The following HMGCL variants were observed in gnomAD, a reference collection of about 807,000 sequenced individuals.
HMGCL encodes the protein hydroxymethylglutaryl-CoA lyase, mitochondrial.
HMGCL carries 26 observed loss-of-function variants against 37.3 expected under a neutral mutation model. That is an observed-to-expected ratio of 0.70 (90% confidence interval 0.51 to 0.97). The LOEUF (loss-of-function observed/expected upper bound fraction) is 0.97. Among genes scored for constraint, HMGCL ranks in the 50% least tolerant of loss-of-function variants. The pLI, the probability that HMGCL is intolerant of heterozygous loss-of-function variation, is 0.00. For missense variants in HMGCL, 379 were observed against 398.1 expected (o/e 0.95, Z 0.41); for synonymous variants, 151 against 148.0 (o/e 1.02, Z -0.15).
Position 23,802,144 on chromosome 1 carries a change from G to A in HMGCL, c.*319C>T. The A allele has an allele frequency of 1.7e-6, 1 of 571,994 alleles. No individual in the cohort carries two copies. Among genetic ancestry groups the A allele is most frequent in the Non-Finnish European group, 3.1e-6 (1 of 322,120 alleles). The allele number at this position is 571,994 out of a possible 1,614,324, so 35.4% of individuals were successfully genotyped here. On this transcript the variant is annotated 3_prime_UTR_variant, in exon 9 of 9. Coordinates refer to ENST00000374490, the MANE Select transcript of HMGCL (RefSeq NM_000191.3). ...CCAGCTCGCGGATTCCATCCAGAGAGGAGACTCAAGGATCATGCTAAGTAG... is the reference window on the plus strand; with the variant it reads ...CCAGCTCGCGGATTCCATCCAGAGAAGAGACTCAAGGATCATGCTAAGTAG...
At position 23,808,243 on chromosome 1, in the gene HMGCL, C is replaced by G. The variant is rs928613309; in HGVS notation, c.642G>C (p.Met214Ile). The change falls in exon 7 of 9, where the codon ATG (methionine) becomes ATC (isoleucine). Residue 214 changes from methionine to isoleucine, a missense_variant. Physicochemically the swap from Met to Ile is conservative, Grantham distance 10. Transcript: ENST00000374490. ...DTIGVGTPGI[M>I]KDMLSAVMQE... ...GCATGACAGCAGATAGCATGTCTTT[C>G]ATGATCCCTGGGGTGCCCACACCAA... 1 of 1,613,900 alleles carries G rather than the reference C, an allele frequency of 6.2e-7. No individual in the cohort carries two copies. The highest frequency in any genetic ancestry group is 1.3e-5 in the African/African-American group (1 of 74,900).
intron 4 of HMGCL, 29 bp downstream of exon 4, chr1:23,816,646 G>A (rs368241050): frequency 3.8e-6 from 5 of 1,323,646 alleles, no homozygotes; most frequent in Non-Finnish European, 5.5e-6. Context: ...CTCATTTCAG[G>A]AGCCCCCACC....
chr1:23,823,934 T>G (rs1638769015), intron 1 of HMGCL, among the ~76,000 whole-genome samples: 1 of 101,800 alleles, frequency 9.8e-6, no homozygotes, highest in African/African-American at 3.9e-5. Flanking sequence ...CTTCCCGAGG[T>G]GACATGGGGA....
Position 23,804,472 on chromosome 1 carries a change from G to A in HMGCL, c.804C>T (p.Tyr268=), listed in dbSNP as rs765198174. 46 of 1,613,864 alleles carry A rather than the reference G, an allele frequency of 2.9e-5. No homozygotes were observed. Among genetic ancestry groups the A allele is most frequent in the South Asian group, 3.3e-5 (3 of 91,070 alleles). The change falls in exon 8 of 9, where the codon TAC becomes TAT. Residue 268 remains tyrosine, a synonymous_variant. Transcript: ENST00000374490. ...SSVAGLGGCP[Y]AQGASGNLAT... is the part of the protein sequence containing the mutation. The stretch of plus-strand genomic sequence containing the variant: ...CCAAGTTTCCTGATGCCCCCTGTGC[G>A]TAGGGACAGCCTCCAAGTCCTGCCA...
In HMGCL at chr1:23,810,759, T is replaced by C. The variant is rs1049453921; in HGVS notation, c.538A>G (p.Ile180Val). ...CALGCPYEGK[I>V]SPAKVAEVTK... The stretch of plus-strand genomic sequence containing the variant: ...ACCTCAGCTACTTTAGCTGGGGAGA[T>C]CTTCCCTTCATAAGGGCAGCCAAGA... The change falls in exon 6 of 9, where the codon ATC becomes GTC. Residue 180 changes from isoleucine to valine, a missense_variant. Coordinates refer to ENST00000374490, the MANE Select transcript of HMGCL (RefSeq NM_000191.3). 4 of 1,614,022 alleles carry C rather than the reference T, an allele frequency of 2.5e-6. No homozygotes were observed. In the East Asian group the frequency reaches 8.9e-5, roughly 36 times the overall value.
chr1:23,808,402 G>A, intron 6 of HMGCL, 79 bp from the exon 7 acceptor site: 2 of 1,225,446 alleles, frequency 1.6e-6, no homozygotes, highest in Middle Eastern at 2.1e-4. Flanking sequence ...GGGGGCCTTT[G>A]CCTGGGCAGA....
intron 2 of HMGCL, among the ~76,000 whole-genome samples, chr1:23,819,234 TATAAAA>T (rs1392661294): frequency 1.3e-5 from 2 of 152,048 alleles, no homozygotes; most frequent in Non-Finnish European, 2.9e-5. Context: ...ATAAAAATTG[TATAAAA>T]ATAAAAATAC....
intron 2 of HMGCL, among the ~76,000 whole-genome samples, chr1:23,817,901 T>C (rs1638642225): frequency 1.3e-5 from 2 of 152,184 alleles, no homozygotes; most frequent in African/African-American, 2.4e-5. Flanking sequence ...TGTCTCCCAA[T>C]TGGCATAGGA....
intron 4 of HMGCL, among the ~76,000 whole-genome samples, chr1:23,815,065 G>T (rs1021559373): frequency 3.9e-5 from 6 of 152,064 alleles, no homozygotes; most frequent in African/African-American, 1.4e-4. Context: ...AAATTAGCCG[G>T]TCGTGGTGGC....
intron 7 of HMGCL, among the ~76,000 whole-genome samples, chr1:23,804,983 T>C (rs1243375650): frequency 6.8e-6 from 1 of 147,582 alleles, no homozygotes; most frequent in Non-Finnish European, 1.5e-5. Flanking sequence ...CCTCCCACTA[T>C]CCCAAATGAC....
intron 2 of HMGCL, among the ~76,000 whole-genome samples, chr1:23,820,096 C>T (rs1370158499): frequency 6.6e-6 from 1 of 152,148 alleles, no homozygotes; most frequent in Non-Finnish European, 1.5e-5. Flanking sequence ...TGGATAAATC[C>T]CCTTACATGG....
chr1:23,816,317 G>T, intron 4 of HMGCL: 1 of 330,224 alleles, frequency 3.0e-6, no homozygotes, highest in Non-Finnish European at 5.9e-6. Context: ...AGCAACTACT[G>T]TTGAAACTCT....
chr1:23,804,257 T>G, intron 8 of HMGCL, 143 bp downstream of exon 8: 1 of 959,150 alleles, frequency 1.0e-6, no homozygotes, highest in Non-Finnish European at 1.6e-6. Context: ...ATTACAGGCA[T>G]GAGCCACTGC....
intron 8 of HMGCL, among the ~76,000 whole-genome samples, chr1:23,802,975 C>T (rs956705131): frequency 1.3e-5 from 2 of 152,204 alleles, no homozygotes; most frequent in African/African-American, 4.8e-5. Flanking sequence ...CATACAGTAG[C>T]TCATATTTGC....
intron 4 of HMGCL, chr1:23,816,424 T>C (rs1323619206): frequency 3.6e-6 from 2 of 551,160 alleles, no homozygotes; most frequent in South Asian, 2.0e-5. Flanking sequence ...TGCTAAGCAA[T>C]GTACATGCAT....
At chr1:23,813,387 G>C (rs1570649581) in intron 5 of HMGCL, among the ~76,000 whole-genome samples, 2 of 151,454 alleles carry the variant, frequency 1.3e-5, no homozygotes, top group East Asian at 1.9e-4. Flanking sequence ...GCTAATTTTT[G>C]TATTTTTAGT....
In HMGCL at chr1:23,808,177, G is replaced by A. The variant is rs886046312; in HGVS notation, c.708C>T (p.Asp236=). 1.2e-6 allele frequency: 2 copies of A among 1,614,164 alleles called. No homozygotes were observed. Among genetic ancestry groups the A allele is most frequent in the Non-Finnish European group, 8.5e-7 (1 of 1,180,038 alleles). ...TGTTGGCCAGGGCTTGACCATAGGTGTCATGGCAGTGGACAGCCAGGGCAG... is the reference window on the plus strand; with the variant it reads ...TGTTGGCCAGGGCTTGACCATAGGTATCATGGCAGTGGACAGCCAGGGCAG... ...PLAALAVHCH[D]TYGQALANTL... The change falls in exon 7 of 9, where the codon GAC becomes GAT. Residue 236 remains aspartate, a synonymous_variant. Transcript: ENST00000374490.
At chr1:23,804,642 T>C in intron 7 of HMGCL, 117 bp from the exon 8 acceptor site, 1 of 1,128,444 alleles carries the variant, frequency 8.9e-7, no homozygotes, top group South Asian at 1.3e-5. Context: ...TTCTTTGCTT[T>C]GGCTTATGAT....
intron 7 of HMGCL, among the ~76,000 whole-genome samples, chr1:23,807,517 T>C (rs74062790): frequency 0.01 from 1,544 of 152,350 alleles, 33 homozygotes; most frequent in African/African-American, 0.035. Flanking sequence ...TCCTTCTATC[T>C]GGCTGCCAGC....
Sources: allele counts gnomAD v4.1 joint callset (sites outside exome capture counted in the v4.1 genomes callset), GRCh38; gene constraint gnomAD v4.1.1; transcripts MANE v1.5; gene names NCBI Gene and HGNC (gene_info 2026-07-23, HGNC 2026-07-21).